TENM2: variants seen among roughly 807,000 people sequenced by gnomAD.
TENM2 encodes the protein teneurin-2.
TENM2 carries 52 observed loss-of-function variants against 245.2 expected under a neutral mutation model. The ratio of observed to expected loss-of-function variants is 0.21; its 90% CI spans 0.17 to 0.27. The LOEUF is 0.27. Among genes scored for constraint, TENM2 ranks in the 10% least tolerant of loss-of-function variants. The pLI is 1.00. For missense variants in TENM2, 3,046 were observed against 3,666.8 expected (o/e 0.83, Z 4.37); for synonymous variants, 1,363 against 1,438.9 (o/e 0.95, Z 1.19).
At chr5:167,008,044 C>A in the TENM2 span, among the ~76,000 whole-genome samples, 11 of 152,182 alleles carry the variant, frequency 7.2e-5, no homozygotes, top group Non-Finnish European at 1.5e-5. Flanking sequence ...CTCCCTTCCC[C>A]GTTCCTCTTC....
At chr5:167,411,589 T>TGTGC (rs1281231538) in intron 2 of TENM2, among the ~76,000 whole-genome samples, 2 of 150,728 alleles carry the variant, frequency 1.3e-5, no homozygotes, top group Non-Finnish European at 3.0e-5. Flanking sequence ...TGTGTGTGTG[T>TGTGC]GTGTGTGTGT....
At chr5:167,624,273 G>A (rs969636513) in intron 2 of TENM2, among the ~76,000 whole-genome samples, 1 of 152,108 alleles carries the variant, frequency 6.6e-6, no homozygotes, top group Non-Finnish European at 1.5e-5. Flanking sequence ...TTGCAGCAAC[G>A]TGGATGCAGC....
intron 2 of TENM2, among the ~76,000 whole-genome samples, chr5:167,434,973 CAGAT>C (rs1451368997): frequency 6.6e-6 from 1 of 152,082 alleles, no homozygotes; most frequent in Non-Finnish European, 1.5e-5. Context: ...AACAAAATAG[CAGAT>C]AGAACCACTT....
chr5:167,383,877 T>C (rs1332602061), intron 2 of TENM2, among the ~76,000 whole-genome samples: 2 of 152,152 alleles, frequency 1.3e-5, no homozygotes, highest in African/African-American at 4.8e-5. Context: ...ACATAGCATA[T>C]ATGAACAGGT....
intron 3 of TENM2, among the ~76,000 whole-genome samples, chr5:167,933,342 A>G (rs918116239): frequency 6.6e-6 from 1 of 152,232 alleles, no homozygotes; most frequent in Non-Finnish European, 1.5e-5. Context: ...GGAGTGTGTG[A>G]TGTTGTGAGC....
the TENM2 span, among the ~76,000 whole-genome samples, chr5:167,165,804 A>G: frequency 6.6e-6 from 1 of 152,224 alleles, no homozygotes; most frequent in Non-Finnish European, 1.5e-5. Context: ...ACCTTTTATA[A>G]AAGTTTATGT....
At chr5:167,163,947 A>G in the TENM2 span, among the ~76,000 whole-genome samples, 4 of 152,226 alleles carry the variant, frequency 2.6e-5, no homozygotes, top group Non-Finnish European at 4.4e-5. Context: ...AGAGCCCTCC[A>G]TGAGCCTTCA....
Position 167,583,382 on chromosome 5 carries a change from A to C in TENM2, c.502+207909A>C, listed in dbSNP as rs182749801. 2.6e-3 allele frequency among the ~76,000 whole-genome samples: 400 copies of C among 152,018 alleles called. 1 individual carries two copies. The highest frequency in any genetic ancestry group is 8.5e-3 in the African/African-American group (354 of 41,448). On this transcript the variant is annotated intron_variant, in intron 2 of 28. Coordinates refer to ENST00000518659, the Ensembl canonical transcript of TENM2. ...GGATAAATCCTAAACCATGTATTGC[A>C]GCAGAAGTGCCTAAAGGTGAATAGT...
chr5:167,005,911 C>T, the TENM2 span, among the ~76,000 whole-genome samples: 11 of 151,974 alleles, frequency 7.2e-5, no homozygotes, highest in Admixed American at 3.3e-4. Flanking sequence ...CAGCCCGCCT[C>T]GGCCTCCTAT....
At chr5:167,010,180 G>A in the TENM2 span, among the ~76,000 whole-genome samples, 2 of 152,066 alleles carry the variant, frequency 1.3e-5, no homozygotes, top group South Asian at 2.1e-4. Flanking sequence ...TCAGGAGTTC[G>A]AGACCAGACT....
intron 1 of TENM2, among the ~76,000 whole-genome samples, chr5:167,352,073 A>AT (rs1356989053): frequency 2.0e-5 from 3 of 152,074 alleles, no homozygotes; most frequent in Non-Finnish European, 4.4e-5. Context: ...TTCAAATTTT[A>AT]TTTTTTGCTA....
chr5:167,750,339 A>C (rs1319325261), intron 2 of TENM2, among the ~76,000 whole-genome samples: 1 of 152,036 alleles, frequency 6.6e-6, no homozygotes, highest in East Asian at 1.9e-4. Context: ...CAGGGTAGGG[A>C]GTCTGATTCT....
intron 5 of TENM2, among the ~76,000 whole-genome samples, chr5:167,994,187 GC>G (rs1417817061): frequency 1.3e-5 from 2 of 152,236 alleles, no homozygotes; most frequent in African/African-American, 2.4e-5. Context: ...TGAGAGACCT[GC>G]CCAGTTTGGC....
intron 5 of TENM2, among the ~76,000 whole-genome samples, chr5:168,005,310 C>T (rs976442938): frequency 1.7e-4 from 26 of 152,138 alleles, no homozygotes; most frequent in African/African-American, 6.3e-4. Flanking sequence ...CTTAAACAAG[C>T]TGTGGACCCC....
intron 2 of TENM2, among the ~76,000 whole-genome samples, chr5:167,813,059 A>T (rs1193861561): frequency 6.6e-6 from 1 of 152,178 alleles, no homozygotes; most frequent in African/African-American, 2.4e-5. Context: ...GTGCTTCTGT[A>T]GGGCAGCTGC....
At chr5:168,106,821 G>C (rs1794280855) in intron 9 of TENM2, among the ~76,000 whole-genome samples, 2 of 152,208 alleles carry the variant, frequency 1.3e-5, no homozygotes, top group East Asian at 3.9e-4. Flanking sequence ...AGCACTCTGG[G>C]AGGCCAAGAC....
chr5:167,019,666 C>T, the TENM2 span, among the ~76,000 whole-genome samples: 3 of 151,964 alleles, frequency 2.0e-5, no homozygotes, highest in Non-Finnish European at 2.9e-5. Flanking sequence ...GATGGGGTCT[C>T]ACCATGTTGG....
intron 2 of TENM2, among the ~76,000 whole-genome samples, chr5:167,544,158 CTACTCACCTCTG>C (rs1772396207): frequency 1.3e-5 from 2 of 152,138 alleles, no homozygotes; most frequent in Non-Finnish European, 2.9e-5. Flanking sequence ...TCTAAGACCT[CTACTCACCTCTG>C]AAGTCACCGC....
In TENM2 at chr5:168,110,891, C is replaced by A. The variant is rs142983741; in HGVS notation, c.1814-7401C>A. 7.5e-3 allele frequency among the ~76,000 whole-genome samples: 1,142 copies of A among 152,296 alleles called. 10 individuals are homozygous for A. Among genetic ancestry groups the A allele is most frequent in the Middle Eastern group, 0.017 (5 of 294 alleles). ...TCTCAAAATGGAGGCATCCCCATAT[C>A]TCTACAGGTATTTTAAATGAATTGA... On this transcript the variant is annotated intron_variant, in intron 9 of 28. Transcript: ENST00000518659.
Sources: allele counts gnomAD v4.1 joint callset (sites outside exome capture counted in the v4.1 genomes callset), GRCh38; gene constraint gnomAD v4.1.1; transcripts MANE v1.5; gene names NCBI Gene and HGNC (gene_info 2026-07-23, HGNC 2026-07-21).